TENT2: variants seen among roughly 807,000 people sequenced by gnomAD.
TENT2 encodes the protein poly(A) RNA polymerase GLD2.
Under a neutral mutation model 72.2 loss-of-function variants are expected in TENT2, and 44 were observed. The ratio of observed to expected loss-of-function variants is 0.61; its 90% CI spans 0.48 to 0.78. The LOEUF is 0.78. Among genes scored for constraint, TENT2 ranks in the 30% least tolerant of loss-of-function variants. The pLI is 0.00. For synonymous variants in TENT2, 212 were observed against 192.5 expected (o/e 1.10, Z -0.84); for missense variants, 541 against 569.6 (o/e 0.95, Z 0.51).
intron 11 of TENT2, chr5:79,668,612 A>G (rs1580598344): frequency 3.4e-6 from 1 of 291,240 alleles, no homozygotes; most frequent in East Asian, 6.4e-5. Context: ...GTAAGGTTTT[A>G]TTTATGAGTT....
At chr5:79,680,359 G>A (rs1580687232) in intron 13 of TENT2, among the ~76,000 whole-genome samples, 1 of 152,264 alleles carries the variant, frequency 6.6e-6, no homozygotes, top group Middle Eastern at 3.4e-3. Context: ...CTAATAAATG[G>A]CACTGGGTGG....
chr5:79,661,505 C>T (rs1802861117), intron 11 of TENT2, among the ~76,000 whole-genome samples: 1 of 152,160 alleles, frequency 6.6e-6, no homozygotes, highest in African/African-American at 2.4e-5. Context: ...GGTTTGGTTC[C>T]AGGCCACCAC....
chr5:79,617,335 T>G (rs1761079142), intron 1 of TENT2, among the ~76,000 whole-genome samples: 1 of 151,810 alleles, frequency 6.6e-6, no homozygotes, highest in African/African-American at 2.4e-5. Context: ...AATCAGTATA[T>G]TCATTCTTTG....
chr5:79,637,081 A>C (rs563614377), intron 4 of TENT2, among the ~76,000 whole-genome samples: 2 of 152,152 alleles, frequency 1.3e-5, no homozygotes, highest in African/African-American at 4.8e-5. Context: ...TCAAGAAAAA[A>C]AAATTAACCA....
chr5:79,650,798 G>A (rs1006614672), intron 10 of TENT2, among the ~76,000 whole-genome samples: 6 of 151,992 alleles, frequency 3.9e-5, no homozygotes, highest in South Asian at 4.1e-4. Flanking sequence ...ATAGGGATTG[G>A]AGGATGATAC....
At chr5:79,619,297 A>G (rs1331948370) in intron 1 of TENT2, among the ~76,000 whole-genome samples, 2 of 152,194 alleles carry the variant, frequency 1.3e-5, no homozygotes, top group African/African-American at 4.8e-5. Flanking sequence ...AATCTGTGGG[A>G]TTTTATTAAT....
chr5:79,633,980 C>G (rs565028297), intron 4 of TENT2, among the ~76,000 whole-genome samples: 2 of 138,172 alleles, frequency 1.4e-5, no homozygotes, highest in Admixed American at 1.5e-4. Flanking sequence ...GGTGAAACCC[C>G]GTCTCTACTA....
intron 4 of TENT2, among the ~76,000 whole-genome samples, chr5:79,636,427 TC>T (rs1422956856): frequency 6.6e-6 from 1 of 152,202 alleles, no homozygotes; most frequent in Non-Finnish European, 1.5e-5. Flanking sequence ...ATTCAGTTGA[TC>T]TTTTTTGTTT....
intron 4 of TENT2, 105 bp from the exon 5 acceptor site, chr5:79,640,746 T>G (rs147020973): frequency 3.6e-5 from 22 of 614,112 alleles, no homozygotes; most frequent in Non-Finnish European, 5.3e-5. Context: ...TAATACATAC[T>G]CCCTTTTAAA....
At chr5:79,668,789 T>A in intron 11 of TENT2, 103 bp from the exon 12 acceptor site, 1 of 1,357,748 alleles carries the variant, frequency 7.4e-7, no homozygotes, top group Non-Finnish European at 9.9e-7. Context: ...TAGAGTAAAT[T>A]TCTTCTCTCT....
intron 4 of TENT2, among the ~76,000 whole-genome samples, chr5:79,635,466 AT>A (rs2150294579): frequency 6.6e-6 from 1 of 152,284 alleles, no homozygotes; most frequent in East Asian, 1.9e-4. Flanking sequence ...GTCATTGTAA[AT>A]TTTTTAACAT....
At chr5:79,618,822 C>A (rs1257884556) in intron 1 of TENT2, among the ~76,000 whole-genome samples, 2 of 152,110 alleles carry the variant, frequency 1.3e-5, no homozygotes, top group Non-Finnish European at 2.9e-5. Flanking sequence ...TTATTATGTT[C>A]TCTTGTTACT....
chr5:79,638,015 G>T (rs1410839174), intron 4 of TENT2, among the ~76,000 whole-genome samples: 1 of 151,262 alleles, frequency 6.6e-6, no homozygotes, highest in Non-Finnish European at 1.5e-5. Context: ...GTCCAGGATG[G>T]TCTTGATCTC....
intron 3 of TENT2, among the ~76,000 whole-genome samples, chr5:79,621,757 C>CAAAAAAAAAAAAAAA (rs397998298): frequency 1.2e-5 from 1 of 83,310 alleles, no homozygotes. Flanking sequence ...GACTCTATCT[C>CAAAAAAAAAAAAAAA]AAAAAAAAAA....
chr5:79,664,447 T>C (rs1002193014), intron 11 of TENT2, among the ~76,000 whole-genome samples: 2 of 151,964 alleles, frequency 1.3e-5, no homozygotes, highest in African/African-American at 2.4e-5. Flanking sequence ...ATACAAAAAT[T>C]AGCCGAGTGT....
intron 14 of TENT2, 23 bp downstream of exon 14, chr5:79,682,084 C>G (rs1470721056): frequency 6.4e-7 from 1 of 1,555,038 alleles, no homozygotes; most frequent in African/African-American, 1.4e-5. Context: ...TTAGATCAAC[C>G]CTAGAAACAT....
At chr5:79,649,400 T>A (rs547731573) in intron 10 of TENT2, among the ~76,000 whole-genome samples, 1 of 151,926 alleles carries the variant, frequency 6.6e-6, no homozygotes, top group Admixed American at 6.6e-5. Context: ...TTTTTTTTAT[T>A]TTTTGGAAGT....
chr5:79,614,674 A>G (rs961595827), intron 1 of TENT2, among the ~76,000 whole-genome samples: 2 of 152,200 alleles, frequency 1.3e-5, no homozygotes, highest in East Asian at 1.9e-4. Context: ...TTATATAGCT[A>G]ATCTCTACTT....
intron 8 of TENT2, among the ~76,000 whole-genome samples, chr5:79,646,860 C>T (rs913445270): frequency 2.6e-4 from 39 of 151,574 alleles, no homozygotes; most frequent in African/African-American, 8.0e-4. Context: ...CCTCAAATGC[C>T]TGGACTCAAG....
Sources: gnomAD v4.1 joint callset for allele counts (sites outside exome capture counted in the v4.1 genomes callset) on GRCh38, gnomAD v4.1.1 for gene constraint, MANE v1.5 for transcripts, NCBI Gene and HGNC (gene_info 2026-07-23, HGNC 2026-07-21) for gene names.